The following CSMD1 variants were observed in gnomAD, a reference collection of about 807,000 sequenced individuals.
CSMD1 encodes CUB and Sushi multiple domains 1.
CSMD1 carries 213 observed loss-of-function variants against 417.5 expected under a neutral mutation model. That is an observed-to-expected ratio of 0.51 (90% CI 0.46 to 0.57). The LOEUF (loss-of-function observed/expected upper bound fraction) is 0.57, where lower values mean the gene tolerates loss of function less well. CSMD1 is among the 20% of genes least tolerant of loss of function. The probability of loss-of-function intolerance (pLI) is 0.00; values close to 1 mark genes in which losing one functional copy is unlikely to be tolerated. For missense variants in CSMD1, 6,923 were observed against 4,529.7 expected (o/e 1.53, Z -15.17); for synonymous variants, 2,862 against 1,736.8 (o/e 1.65, Z -16.11).
intron 10 of CSMD1, among the ~76,000 whole-genome samples, chr8:3,526,106 A>G (rs1797743209): frequency 6.6e-6 from 1 of 152,144 alleles, no homozygotes; most frequent in South Asian, 2.1e-4. Flanking sequence ...TTCAGCTTTA[A>G]AAACAGTCTA....
intron 28 of CSMD1, among the ~76,000 whole-genome samples, chr8:3,221,033 T>C (rs1798180392): frequency 6.6e-6 from 1 of 151,922 alleles, no homozygotes; most frequent in African/African-American, 2.4e-5. Context: ...TGCTTGTTGG[T>C]TTGTTTGTTT....
rs1296520534 is a variant in CSMD1, at chr8:3,219,271, G to A, written c.4656C>T (p.Phe1552=). ...RSDASVGLSG[F]AIEFKEKPRE... is the part of the protein sequence containing the mutation. ...TCGCAATACCTTTAAATTCAATGGCGAACCCTGAAAGGCCCACGGAGGCAT... is the reference window on the plus strand; with the variant it reads ...TCGCAATACCTTTAAATTCAATGGCAAACCCTGAAAGGCCCACGGAGGCAT... The change falls in exon 29 of 70, where the codon TTC becomes TTT. Residue 1552 remains phenylalanine, a synonymous_variant. Transcript: ENST00000635120. 16 of 1,592,796 alleles carry A rather than the reference G, an allele frequency of 1.0e-5. No individual in the cohort carries two copies. The South Asian group carries it at 1.3e-4, about 12-fold the overall frequency.
chr8:3,865,999 T>C (rs1805074183), intron 5 of CSMD1, among the ~76,000 whole-genome samples: 1 of 152,204 alleles, frequency 6.6e-6, no homozygotes, highest in Non-Finnish European at 1.5e-5. Context: ...TCATCTGTAG[T>C]CATGTTAGTG....
chr8:4,398,482 T>C (rs1448771000), intron 3 of CSMD1, among the ~76,000 whole-genome samples: 4 of 142,056 alleles, frequency 2.8e-5, no homozygotes, highest in African/African-American at 1.0e-4. Context: ...CAACCTCCTC[T>C]CCTGGGTTCA....
rs1365110277 is a variant in CSMD1 at position 4,410,219 on chromosome 8, A to G, written c.415+9734T>C. 9.8e-5 allele frequency among the ~76,000 whole-genome samples: 15 copies of G among 152,346 alleles called. 1 individual carries two copies. The East Asian group carries it at 1.9e-3, about 20-fold the overall frequency. On this transcript the variant is annotated intron_variant, in intron 3 of 69. Coordinates refer to ENST00000635120, the MANE Select transcript of CSMD1 (RefSeq NM_033225.6). Reference sequence around the variant, plus strand: ...GATACTGAACCAAACAGTTTAGGTAACTAATTCTGTAAGCCTCATGCCAAC... The same window carrying G: ...GATACTGAACCAAACAGTTTAGGTAGCTAATTCTGTAAGCCTCATGCCAAC...
At chr8:4,294,992 T>C (rs1311152012) in intron 3 of CSMD1, among the ~76,000 whole-genome samples, 17 of 150,388 alleles carry the variant, frequency 1.1e-4, no homozygotes, top group Non-Finnish European at 3.0e-5. Flanking sequence ...AGTCACCTGA[T>C]CTGAACCCAA....
chr8:3,924,652 C>G (rs1051491405), intron 5 of CSMD1, among the ~76,000 whole-genome samples: 4 of 152,166 alleles, frequency 2.6e-5, no homozygotes, highest in Non-Finnish European at 5.9e-5. Flanking sequence ...TGTTTAAACA[C>G]TTCTTTAATT....
chr8:4,750,175 T>A (rs1456839921), intron 1 of CSMD1, among the ~76,000 whole-genome samples: 1 of 151,940 alleles, frequency 6.6e-6, no homozygotes, highest in East Asian at 1.9e-4. Flanking sequence ...CCGGCTAATT[T>A]TTTTTGTATT....
rs78605644 is a variant in CSMD1, at chr8:3,538,870, T to C, written c.1344+36075A>G. Among the ~76,000 whole-genome samples the C allele has an allele frequency of 8.5e-3, 1,299 of 152,272 alleles. 16 individuals are homozygous for C. The highest frequency in any genetic ancestry group is 0.029 in the African/African-American group (1,224 of 41,562). ...CTGCGGTCTTCCTAAGTGTTCCTAG[T>C]TGTTCTCTGCTCCCACTCTTGCTTC... On this transcript the variant is annotated intron_variant, in intron 10 of 69. Transcript: ENST00000635120.
chr8:3,344,097 A>G (rs1273378777), intron 22 of CSMD1, among the ~76,000 whole-genome samples: 1 of 152,198 alleles, frequency 6.6e-6, no homozygotes, highest in African/African-American at 2.4e-5. Flanking sequence ...TAGATGTAAT[A>G]AGTATACGGA....
intron 3 of CSMD1, among the ~76,000 whole-genome samples, chr8:4,336,410 G>C (rs947875368): frequency 2.6e-5 from 4 of 152,144 alleles, no homozygotes; most frequent in Non-Finnish European, 5.9e-5. Flanking sequence ...ACTCCTGATG[G>C]AATGACCCTA....
chr8:3,633,430 C>T (rs550746277), intron 7 of CSMD1, among the ~76,000 whole-genome samples: 31 of 152,078 alleles, frequency 2.0e-4, no homozygotes, highest in African/African-American at 6.8e-4. Context: ...TTGCTACTCC[C>T]GGCAGGATAA....
chr8:3,634,410 A>G (rs1004674555), intron 7 of CSMD1, among the ~76,000 whole-genome samples: 3 of 152,158 alleles, frequency 2.0e-5, no homozygotes, highest in Non-Finnish European at 4.4e-5. Flanking sequence ...GTGGTCTGCA[A>G]TCCTCTGTGC....
intron 12 of CSMD1, among the ~76,000 whole-genome samples, chr8:3,432,968 A>C (rs1227798883): frequency 6.6e-6 from 1 of 152,224 alleles, no homozygotes; most frequent in Non-Finnish European, 1.5e-5. Flanking sequence ...GGTTACAGTC[A>C]GGTTCTTCCA....
In CSMD1 at chr8:4,808,056, A is replaced by G. The variant is rs527542974; in HGVS notation, c.86-170498T>C. 1.4e-4 allele frequency among the ~76,000 whole-genome samples: 21 copies of G among 152,302 alleles called. No individual in the cohort carries two copies. In the South Asian group the frequency reaches 4.3e-3, roughly 32 times the overall value. ...TAGCACATCTGGTTGACTTTTGTAA[A>G]TAATACTCGTGTGGGCTCAATGTCC... is the stretch of plus-strand genomic sequence containing the variant. On this transcript the variant is annotated intron_variant, in intron 1 of 69. Transcript: ENST00000635120.
At chr8:3,083,442 T>C (rs973177479) in intron 49 of CSMD1, among the ~76,000 whole-genome samples, 1 of 150,424 alleles carries the variant, frequency 6.6e-6, no homozygotes, top group Non-Finnish European at 1.5e-5. Flanking sequence ...ACTTTTCGAA[T>C]CTATAATTTT....
rs578015797 is a variant in CSMD1 at position 4,371,227 on chromosome 8, C to T, written c.415+48726G>A. Reference sequence around the variant, plus strand: ...ACACTGCTGGGCTACATGCTCTCACCGTGGGGGATTAGGACCAGGTCAGCA... The same window carrying T: ...ACACTGCTGGGCTACATGCTCTCACTGTGGGGGATTAGGACCAGGTCAGCA... On this transcript the variant is annotated intron_variant, in intron 3 of 69. Coordinates refer to ENST00000635120, the MANE Select transcript of CSMD1 (RefSeq NM_033225.6). 5.9e-5 allele frequency among the ~76,000 whole-genome samples: 9 copies of T among 152,188 alleles called. No homozygotes were observed. In the East Asian group the frequency reaches 1.4e-3, roughly 23 times the overall value.
At chr8:3,960,302 C>A (rs909924516) in intron 5 of CSMD1, among the ~76,000 whole-genome samples, 2 of 152,164 alleles carry the variant, frequency 1.3e-5, no homozygotes, top group East Asian at 1.9e-4. Flanking sequence ...AAATGTTACT[C>A]TGCAAACCTT....
chr8:4,205,709 T>C (rs1340930445), intron 3 of CSMD1, among the ~76,000 whole-genome samples: 2 of 126,532 alleles, frequency 1.6e-5, no homozygotes, highest in African/African-American at 3.5e-5. Context: ...TACCAAATAA[T>C]AGAGGTTTAT....
Sources: allele counts gnomAD v4.1 joint callset (sites outside exome capture counted in the v4.1 genomes callset), GRCh38; gene constraint gnomAD v4.1.1; transcripts MANE v1.5; gene names NCBI Gene and HGNC (gene_info 2026-07-23, HGNC 2026-07-21).